DLGAP2: variants seen among roughly 807,000 people sequenced by gnomAD.
The protein encoded by DLGAP2 is DLG associated protein 2, also known as disks large-associated protein 2.
Under a neutral mutation model 100.3 loss-of-function variants are expected in DLGAP2, and 26 were observed. The ratio of observed to expected loss-of-function variants is 0.26; its 90% CI spans 0.19 to 0.36. The LOEUF (loss-of-function observed/expected upper bound fraction) is 0.36. Ranked by LOEUF, DLGAP2 falls within the 10% of genes least tolerant of loss-of-function variation. DLGAP2 has a pLI of 1.00. For missense variants in DLGAP2, 1,858 were observed against 1,453.2 expected, an observed-to-expected ratio of 1.28 and a Z score of -4.53; for synonymous variants, 886 against 630.1, an observed-to-expected ratio of 1.41 and a Z score of -6.08.
At chr8:801,565 T>C (rs1024876175) in intron 1 of DLGAP2, among the ~76,000 whole-genome samples, 15 of 152,208 alleles carry the variant, frequency 9.9e-5, no homozygotes, top group African/African-American at 3.6e-4. Flanking sequence ...GCCTTAGCCC[T>C]GGGTCTTTCC....
At chr8:1,651,685 G>A (rs1798168862) in intron 8 of DLGAP2, among the ~76,000 whole-genome samples, 1 of 152,290 alleles carries the variant, frequency 6.6e-6, no homozygotes, top group South Asian at 2.1e-4. Context: ...ACCACCACAG[G>A]CTGTGTAGCC....
chr8:934,973 C>T (rs879866071), intron 2 of DLGAP2, among the ~76,000 whole-genome samples: 1 of 152,172 alleles, frequency 6.6e-6, no homozygotes, highest in Admixed American at 6.5e-5. Context: ...TCAGCGTTTC[C>T]AAACCCTCTG....
chr8:1,510,777 A>G (rs1475603229), intron 4 of DLGAP2, among the ~76,000 whole-genome samples: 1 of 152,232 alleles, frequency 6.6e-6, no homozygotes, highest in Non-Finnish European at 1.5e-5. Flanking sequence ...TGCTTCCCCA[A>G]GGAAACTAAA....
chr8:1,676,931 C>T (rs559320257), intron 11 of DLGAP2, among the ~76,000 whole-genome samples: 5 of 152,310 alleles, frequency 3.3e-5, no homozygotes, highest in African/African-American at 1.2e-4. Flanking sequence ...GACGCCAATG[C>T]AGGCCTTACG....
intron 3 of DLGAP2, among the ~76,000 whole-genome samples, chr8:1,367,169 G>C (rs1464445837): frequency 6.6e-6 from 1 of 152,202 alleles, no homozygotes; most frequent in Non-Finnish European, 1.5e-5. Context: ...TTGAGAAACA[G>C]TTTATCTTAG....
intron 1 of DLGAP2, among the ~76,000 whole-genome samples, chr8:859,573 C>A (rs1405918656): frequency 6.6e-6 from 1 of 152,190 alleles, no homozygotes; most frequent in Non-Finnish European, 1.5e-5. Context: ...CCCATCGCCC[C>A]CTGCCCAAAC....
intron 1 of DLGAP2, among the ~76,000 whole-genome samples, chr8:822,956 C>G (rs967550750): frequency 6.6e-6 from 1 of 151,912 alleles, no homozygotes; most frequent in African/African-American, 2.4e-5. Flanking sequence ...CAAACAGTCA[C>G]GGAGACGGCA....
At chr8:1,105,579 A>G (rs1012310912) in intron 2 of DLGAP2, among the ~76,000 whole-genome samples, 1 of 148,674 alleles carries the variant, frequency 6.7e-6, no homozygotes, top group Non-Finnish European at 1.5e-5. Context: ...GAAGGGAGCC[A>G]TTCTAGGAGG....
In DLGAP2 at chr8:1,444,098, C is replaced by T. The variant is rs571002285; in HGVS notation, c.107-57268C>T. Among the ~76,000 whole-genome samples, 21 of 152,210 alleles carry T rather than the reference C, an allele frequency of 1.4e-4. No individual in the cohort carries two copies. In the South Asian group the frequency reaches 4.4e-3, roughly 32 times the overall value. On this transcript the variant is annotated intron_variant, in intron 3 of 14. Transcript: ENST00000637795. ...TCCCTACACCTCCCTCTACCTTAAG[C>T]TCCAGTGCTTTTTGTCTCTCTCCGT... is the stretch of plus-strand genomic sequence containing the variant.
chr8:1,277,638 T>A (rs1585216531), intron 3 of DLGAP2, among the ~76,000 whole-genome samples: 1 of 152,114 alleles, frequency 6.6e-6, no homozygotes, highest in African/African-American at 2.4e-5. Flanking sequence ...GCCAGGCAGG[T>A]CAGTATCTGA....
intron 2 of DLGAP2, among the ~76,000 whole-genome samples, chr8:1,182,727 C>T (rs755316808): frequency 4.6e-5 from 7 of 152,186 alleles, no homozygotes; most frequent in African/African-American, 1.4e-4. Context: ...CCCTGAGACA[C>T]GGAGCTCCAG....
At chr8:1,218,619 TC>T (rs1798258053) in intron 2 of DLGAP2, among the ~76,000 whole-genome samples, 2 of 152,202 alleles carry the variant, frequency 1.3e-5, no homozygotes, top group South Asian at 4.1e-4. Context: ...CTATTCAGGC[TC>T]TTTTTTGTTT....
At chr8:1,660,791 C>A (rs1055420217) in intron 8 of DLGAP2, among the ~76,000 whole-genome samples, 4 of 152,226 alleles carry the variant, frequency 2.6e-5, no homozygotes, top group Non-Finnish European at 5.9e-5. Flanking sequence ...GGTTGGTAAA[C>A]CCTCAGATGA....
At chr8:1,186,135 G>A (rs916286101) in intron 2 of DLGAP2, among the ~76,000 whole-genome samples, 1 of 152,200 alleles carries the variant, frequency 6.6e-6, no homozygotes, top group African/African-American at 2.4e-5. Flanking sequence ...CTCGCTTTGC[G>A]CCCTTGTCTG....
chr8:1,616,007 G>C (rs112439345), intron 6 of DLGAP2, among the ~76,000 whole-genome samples: 4,322 of 152,230 alleles, frequency 0.028, 195 homozygotes, highest in African/African-American at 0.098. Flanking sequence ...GGTTAAAGAT[G>C]TTAAAGGAGA....
intron 2 of DLGAP2, chr8:1,018,730 A>G (rs1801543614): frequency 6.6e-6 from 1 of 152,238 alleles, no homozygotes. Context: ...TCAACTGGAA[A>G]TATTTTGTTA....
chr8:1,295,041 C>G (rs1025026118), intron 3 of DLGAP2, among the ~76,000 whole-genome samples: 1 of 152,038 alleles, frequency 6.6e-6, no homozygotes, highest in Admixed American at 6.6e-5. Flanking sequence ...TATCGCTGAG[C>G]AGAAGGAAAG....
At chr8:1,089,092 A>G (rs1309902611) in intron 2 of DLGAP2, among the ~76,000 whole-genome samples, 3 of 135,362 alleles carry the variant, frequency 2.2e-5, no homozygotes, top group African/African-American at 8.7e-5. Context: ...CCAGCAGGCT[A>G]TGCAATTCTT....
intron 3 of DLGAP2, among the ~76,000 whole-genome samples, chr8:1,478,569 C>T (rs1354435231): frequency 6.6e-6 from 1 of 152,090 alleles, no homozygotes; most frequent in Admixed American, 6.5e-5. Flanking sequence ...GTCAAACCAA[C>T]AGAATAGATC....
Sources: allele counts gnomAD v4.1 joint callset (sites outside exome capture counted in the v4.1 genomes callset), GRCh38; gene constraint gnomAD v4.1.1; transcripts MANE v1.5; gene names NCBI Gene and HGNC (gene_info 2026-07-23, HGNC 2026-07-21).